Variants in MRPS9 observed in about 807,000 individuals in gnomAD.
MRPS9 encodes mitochondrial ribosomal protein S9, also known as small ribosomal subunit protein uS9m.
MRPS9 carries 45 observed loss-of-function variants against 59.9 expected under a neutral mutation model. The observed-to-expected ratio is 0.75, with a 90% CI of 0.59 to 0.96. MRPS9 has a LOEUF of 0.96. Among genes scored for constraint, MRPS9 ranks in the 40% least tolerant of loss-of-function variants. The pLI, the probability that MRPS9 is intolerant of heterozygous loss-of-function variation, is 0.00. For synonymous variants in MRPS9, 171 were observed against 166.8 expected (o/e 1.03, Z -0.19); for missense variants, 473 against 481.1 (o/e 0.98, Z 0.16).
chr2:105,097,029 G>A, intron 9 of MRPS9, 126 bp from the exon 10 acceptor site: 1 of 934,036 alleles, frequency 1.1e-6, no homozygotes, highest in Non-Finnish European at 1.5e-6. Flanking sequence ...GATTGATTGA[G>A]AAGTATGAAA....
intron 5 of MRPS9, among the ~76,000 whole-genome samples, chr2:105,081,609 A>G (rs1305182949): frequency 6.6e-6 from 1 of 152,198 alleles, no homozygotes; most frequent in African/African-American, 2.4e-5. Context: ...TACACATCCT[A>G]TAAGAGACCT....
intron 5 of MRPS9, among the ~76,000 whole-genome samples, chr2:105,086,927 T>C (rs879063690): frequency 6.6e-6 from 1 of 152,114 alleles, no homozygotes; most frequent in South Asian, 2.1e-4. Flanking sequence ...CCATTTTTTT[T>C]GGTGGGGGGA....
intron 1 of MRPS9, among the ~76,000 whole-genome samples, chr2:105,045,180 G>C (rs937409741): frequency 6.6e-5 from 10 of 152,082 alleles, no homozygotes; most frequent in Non-Finnish European, 1.3e-4. Flanking sequence ...AAAAAGAGCT[G>C]AATAAGTCAG....
intron 5 of MRPS9, among the ~76,000 whole-genome samples, chr2:105,082,749 G>A (rs1680372569): frequency 6.6e-6 from 1 of 152,196 alleles, no homozygotes; most frequent in East Asian, 1.9e-4. Context: ...CTCACGTTTT[G>A]GAAATGTGCC....
chr2:105,049,314 A>G lies in MRPS9; in HGVS notation c.279A>G (p.Gly93=). 6.2e-7 allele frequency: 1 copy of G among 1,611,504 alleles called. No homozygotes were observed. Among genetic ancestry groups the G allele is most frequent in the South Asian group, 1.1e-5 (1 of 90,458 alleles). The change falls in exon 2 of 11, where the codon GGA becomes GGG. Residue 93 remains glycine, a synonymous_variant. Coordinates refer to ENST00000258455, the MANE Select transcript of MRPS9 (RefSeq NM_182640.3). ...IGKRHLANMM[G]EDPETFTQED... ...AGAGACATTTAGCCAACATGATGGGAGAAGATCCAGAAACTTTCACTCAAG... is the reference window on the plus strand; with the variant it reads ...AGAGACATTTAGCCAACATGATGGGGGAAGATCCAGAAACTTTCACTCAAG...
At chr2:105,082,182 T>C (rs1427700880) in intron 5 of MRPS9, among the ~76,000 whole-genome samples, 1 of 152,192 alleles carries the variant, frequency 6.6e-6, no homozygotes, top group Non-Finnish European at 1.5e-5. Flanking sequence ...CCCTGAAGAC[T>C]GTGGCAAGCT....
intron 10 of MRPS9, chr2:105,098,459 T>TC (rs1680718186): frequency 6.6e-6 from 1 of 152,208 alleles, no homozygotes. Context: ...TGCTTAAGGC[T>TC]CTTAAAAATC....
Position 105,084,247 on chromosome 2 carries a change from A to AATATATATATATATATATATATAT in MRPS9, c.489+4207_489+4208insATATATATATATATATATATATAT, listed in dbSNP as rs58438490. The stretch of plus-strand genomic sequence containing the variant: ...TGGCCACAGATGAAATATATACCAA[A>AATATATATATATATATATATATAT]ATATATATATATATATATATATGTA... On this transcript the variant is annotated intron_variant, in intron 5 of 10. Transcript: ENST00000258455. 2.7e-3 allele frequency among the ~76,000 whole-genome samples: 372 copies of AATATATATATATATATATATATAT among 139,416 alleles called. 1 individual carries two copies. The highest frequency in any genetic ancestry group is 0.015 in the East Asian group (60 of 4,128). 91.5% of individuals were successfully genotyped at this position (139,416 alleles called of 152,430 possible).
intron 5 of MRPS9, among the ~76,000 whole-genome samples, chr2:105,084,223 G>T (rs916825900): frequency 1.4e-5 from 2 of 140,222 alleles, no homozygotes; most frequent in African/African-American, 5.3e-5. Context: ...GGAGTTACAT[G>T]GCCACAGATG....
At chr2:105,091,685 G>A (rs1330366212) in intron 7 of MRPS9, among the ~76,000 whole-genome samples, 1 of 152,118 alleles carries the variant, frequency 6.6e-6, no homozygotes, top group Non-Finnish European at 1.5e-5. Context: ...AGAATCTCAA[G>A]CATTAGTTGT....
Position 105,071,319 on chromosome 2 carries a change from A to T in MRPS9, c.322A>T (p.Ile108Phe). 5.0e-6 allele frequency: 8 copies of T among 1,609,988 alleles called. No individual in the cohort carries two copies. The highest frequency in any genetic ancestry group is 6.8e-6 in the Non-Finnish European group (8 of 1,178,744). The change falls in exon 3 of 11, where the codon ATT becomes TTT. Residue 108 changes from isoleucine to phenylalanine, a missense_variant. Transcript: ENST00000258455. ...CCTTTGTGTATATTTTCAGAGAGCTATTGCTTACCTTTTCCCAAGTGGTTT... is the reference window on the plus strand; with the variant it reads ...CCTTTGTGTATATTTTCAGAGAGCTTTTGCTTACCTTTTCCCAAGTGGTTT... ...TFTQEDIDRA[I>F]AYLFPSGLFE...
chr2:105,047,621 G>A lies in MRPS9; in HGVS notation c.136-1550G>A, dbSNP rs181690463. On this transcript the variant is annotated intron_variant, in intron 1 of 10. Transcript: ENST00000258455. Reference sequence around the variant, plus strand: ...TATTGCTTTAAGAGTGTTTAGAATTGTTGGGGCCAGGATGAAGGTTGAGAA... The same window carrying A: ...TATTGCTTTAAGAGTGTTTAGAATTATTGGGGCCAGGATGAAGGTTGAGAA... Among the ~76,000 whole-genome samples, 169 of 152,140 alleles carry A rather than the reference G, an allele frequency of 1.1e-3. 1 individual carries two copies. Among genetic ancestry groups the A allele is most frequent in the African/African-American group, 3.9e-3 (162 of 41,548 alleles).
intron 5 of MRPS9, among the ~76,000 whole-genome samples, chr2:105,084,468 G>A (rs1473771810): frequency 1.3e-5 from 2 of 152,070 alleles, no homozygotes; most frequent in Middle Eastern, 3.2e-3. Context: ...CCCCAGAAGT[G>A]TGCTGCTTCA....
At chr2:105,074,194 T>G (rs1680166659) in intron 4 of MRPS9, among the ~76,000 whole-genome samples, 1 of 151,966 alleles carries the variant, frequency 6.6e-6, no homozygotes, top group African/African-American at 2.4e-5. Flanking sequence ...TTGTTAGAAA[T>G]TAAGAAAGAC....
intron 7 of MRPS9, chr2:105,091,473 C>G (rs1191540447): frequency 1.1e-5 from 5 of 440,274 alleles, no homozygotes; most frequent in Non-Finnish European, 2.4e-5. Flanking sequence ...AGTGCCTTCT[C>G]TTTCATTACA....
At chr2:105,069,368 C>A (rs1487424447) in intron 2 of MRPS9, among the ~76,000 whole-genome samples, 3 of 152,220 alleles carry the variant, frequency 2.0e-5, no homozygotes, top group Admixed American at 1.3e-4. Flanking sequence ...GCGCCCGCCA[C>A]CATGCCCAGC....
intron 2 of MRPS9, among the ~76,000 whole-genome samples, chr2:105,067,258 G>A (rs1023351855): frequency 1.3e-5 from 2 of 152,060 alleles, no homozygotes; most frequent in African/African-American, 4.8e-5. Context: ...TGTCTTTGTA[G>A]CTGACTAATT....
intron 2 of MRPS9, among the ~76,000 whole-genome samples, chr2:105,049,997 C>T (rs976336286): frequency 2.0e-4 from 31 of 151,988 alleles, no homozygotes; most frequent in Non-Finnish European, 2.2e-4. Context: ...CATTCTTATA[C>T]GATTTTAATA....
chr2:105,078,317 T>TGTGC (rs1680256227), intron 4 of MRPS9, among the ~76,000 whole-genome samples: 1 of 130,162 alleles, frequency 7.7e-6, no homozygotes, highest in African/African-American at 2.8e-5. Context: ...TGAAGTCAAG[T>TGTGC]GTGTGTGTGT....
Sources: allele counts gnomAD v4.1 joint callset (sites outside exome capture counted in the v4.1 genomes callset), GRCh38; gene constraint gnomAD v4.1.1; transcripts MANE v1.5; gene names NCBI Gene and HGNC (gene_info 2026-07-23, HGNC 2026-07-21).